SLAIN2: variants seen among roughly 807,000 people sequenced by gnomAD.
SLAIN2 encodes SLAIN family member 2.
Under a neutral mutation model 56.6 loss-of-function variants are expected in SLAIN2, and 31 were observed. The observed-to-expected ratio is 0.55, with a 90% CI of 0.41 to 0.74. The LOEUF is 0.74. Ranked by LOEUF, SLAIN2 falls within the 30% of genes least tolerant of loss-of-function variation. SLAIN2 has a pLI of 0.00. For synonymous variants in SLAIN2, 317 were observed against 284.9 expected (o/e 1.11, Z -1.13); for missense variants, 777 against 754.2 (o/e 1.03, Z -0.35).
At chr4:48,413,312 G>T (rs900116968) in intron 6 of SLAIN2, among the ~76,000 whole-genome samples, 3 of 152,078 alleles carry the variant, frequency 2.0e-5, no homozygotes, top group African/African-American at 7.2e-5. Context: ...GGAATCTGGA[G>T]ACCTGGGTTC....
At chr4:48,378,731 G>T (rs1715892633) in intron 3 of SLAIN2, among the ~76,000 whole-genome samples, 2 of 152,260 alleles carry the variant, frequency 1.3e-5, no homozygotes, top group South Asian at 4.1e-4. Flanking sequence ...TATATAGGTT[G>T]TTACTTGCTA....
intron 2 of SLAIN2, among the ~76,000 whole-genome samples, chr4:48,375,762 C>G (rs1715794691): frequency 6.6e-6 from 1 of 152,106 alleles, no homozygotes; most frequent in African/African-American, 2.4e-5. Context: ...CTGTTTTGTC[C>G]CTGCCCTGTG....
intron 1 of SLAIN2, among the ~76,000 whole-genome samples, chr4:48,363,608 C>T (rs1283063024): frequency 5.7e-5 from 6 of 105,816 alleles, no homozygotes; most frequent in African/African-American, 1.8e-4. Flanking sequence ...GGCGGCTGGC[C>T]GGGCGGGGGG....
At chr4:48,356,368 A>T (rs1301564627) in intron 1 of SLAIN2, among the ~76,000 whole-genome samples, 1 of 152,138 alleles carries the variant, frequency 6.6e-6, no homozygotes, top group Non-Finnish European at 1.5e-5. Flanking sequence ...CTATCTATAT[A>T]TGCAGTTGTA....
At chr4:48,415,484 G>A (rs1352585735) in intron 6 of SLAIN2, among the ~76,000 whole-genome samples, 7 of 58,452 alleles carry the variant, frequency 1.2e-4, no homozygotes, top group East Asian at 4.6e-4. Flanking sequence ...AGTAGGTTGC[G>A]AAAATTTTCT....
intron 3 of SLAIN2, among the ~76,000 whole-genome samples, chr4:48,378,421 C>G (rs1437776251): frequency 6.6e-6 from 1 of 152,152 alleles, no homozygotes; most frequent in East Asian, 1.9e-4. Flanking sequence ...TTTTAATAAA[C>G]TTTGATACTG....
At chr4:48,400,991 TC>T (rs1325101039) in intron 6 of SLAIN2, among the ~76,000 whole-genome samples, 1 of 152,222 alleles carries the variant, frequency 6.6e-6, no homozygotes, top group Non-Finnish European at 1.5e-5. Context: ...ATATGTTGTC[TC>T]TTTGTTCTGA....
Position 48,341,748 on chromosome 4 carries a change from C to T in SLAIN2, c.9C>T (p.Asp3=), listed in dbSNP as rs1208116424. The T allele has an allele frequency of 5.2e-6, 8 of 1,533,012 alleles. No homozygotes were observed. In the East Asian group the frequency reaches 2.1e-4, roughly 40 times the overall value. 95.0% of individuals were successfully genotyped at this position (1,533,012 alleles called of 1,614,324 possible). ME[D]VNSNVNADQE... The stretch of plus-strand genomic sequence containing the variant: ...GCGGCGGCGGGGCCGGGATGGAGGA[C>T]GTTAACTCCAACGTGAACGCGGACC... The change falls in exon 1 of 8, where the codon GAC becomes GAT. Residue 3 remains aspartate, a synonymous_variant. Coordinates refer to ENST00000264313, the MANE Select transcript of SLAIN2 (RefSeq NM_020846.2).
Position 48,379,806 on chromosome 4 carries a change from G to C in SLAIN2, c.820G>C (p.Asp274His), listed in dbSNP as rs1376792033. 1 of 1,585,592 alleles carries C rather than the reference G, an allele frequency of 6.3e-7. No homozygotes were observed. The highest frequency in any genetic ancestry group is 1.9e-5 in the Admixed American group (1 of 53,142). ...DSIGSNYKLNDVTDVQILARM... is the reference protein window; with the variant it reads ...DSIGSNYKLNHVTDVQILARM... ...AATTGGATCCAATTATAAGCTAAAT[G>C]ATGTAACTGATGTACAGATTCTAGC... Residue 274 changes from aspartate (D) to histidine (H), a missense_variant, in exon 4 of 8, where the codon GAT becomes CAT. Physicochemically the swap from Asp to His is moderately conservative, Grantham distance 81 (BLOSUM62 -1). Coordinates refer to ENST00000264313, the MANE Select transcript of SLAIN2 (RefSeq NM_020846.2).
At chr4:48,347,651 A>G (rs1414059905) in intron 1 of SLAIN2, among the ~76,000 whole-genome samples, 2 of 152,184 alleles carry the variant, frequency 1.3e-5, no homozygotes, top group African/African-American at 4.8e-5. Flanking sequence ...ATAATTTTTA[A>G]GTTTACAGTT....
intron 1 of SLAIN2, among the ~76,000 whole-genome samples, chr4:48,342,619 G>C (rs917495918): frequency 1.3e-5 from 2 of 151,972 alleles, no homozygotes; most frequent in Non-Finnish European, 2.9e-5. Context: ...CCCATTTCTG[G>C]CGGGGATGGG....
In SLAIN2 at chr4:48,376,913, C is replaced by CTTTTTTT. The variant is rs11347630; in HGVS notation, c.539-968_539-962dup. On this transcript the variant is annotated intron_variant, in intron 2 of 7. Coordinates refer to ENST00000264313, the MANE Select transcript of SLAIN2 (RefSeq NM_020846.2). Reference sequence around the variant, plus strand: ...AGCGTGAGCCACCGCGCCCGGCCGACTTTTTTTTTTTTTTTTTTTTTAAGG... The same window carrying CTTTTTTT: ...AGCGTGAGCCACCGCGCCCGGCCGACTTTTTTTTTTTTTTTTTTTTTTTTTTTTAAGG... Among the ~76,000 whole-genome samples the CTTTTTTT allele has an allele frequency of 3.3e-3, 374 of 111,700 alleles. 3 individuals are homozygous for CTTTTTTT. The highest frequency in any genetic ancestry group is 0.012 in the African/African-American group (356 of 29,078). 73.3% of individuals were successfully genotyped at this position (111,700 alleles called of 152,430 possible). A position where few individuals can be genotyped will look rare whatever the true frequency, so the allele number is the denominator to read the frequency against.
chr4:48,342,401 G>C (rs1374888582), intron 1 of SLAIN2, among the ~76,000 whole-genome samples: 1 of 152,244 alleles, frequency 6.6e-6, no homozygotes, highest in Non-Finnish European at 1.5e-5. Flanking sequence ...GGGGCAGCTT[G>C]AGAAGGGCTG....
chr4:48,363,945 C>T (rs1325844248), intron 1 of SLAIN2, among the ~76,000 whole-genome samples: 5 of 135,256 alleles, frequency 3.7e-5, no homozygotes, highest in African/African-American at 1.3e-4. Context: ...ACCTCCCTCC[C>T]GGACGGGGCG....
At position 48,423,202 on chromosome 4, in the gene SLAIN2, G is replaced by A. The variant is rs1359573261; in HGVS notation, c.*1125G>A. 6.6e-6 allele frequency: 1 copy of A among 152,032 alleles called. No individual in the cohort carries two copies. The highest frequency in any genetic ancestry group is 1.9e-4 in the East Asian group (1 of 5,182). 9.4% of individuals were successfully genotyped at this position (152,032 alleles called of 1,614,324 possible). On this transcript the variant is annotated 3_prime_UTR_variant, in exon 8 of 8. Transcript: ENST00000264313. ...TTGATCCACTTTAAACTGAGTAACT[G>A]TATAAAACATCTATTGAAAATTCTT...
intron 1 of SLAIN2, among the ~76,000 whole-genome samples, chr4:48,358,709 TA>T (rs1400691382): frequency 6.7e-6 from 1 of 148,728 alleles, no homozygotes; most frequent in Non-Finnish European, 1.5e-5. Context: ...AAGATACTTG[TA>T]TTTTTTTATT....
intron 3 of SLAIN2, among the ~76,000 whole-genome samples, chr4:48,378,577 T>A (rs1715888712): frequency 6.6e-6 from 1 of 152,198 alleles, no homozygotes; most frequent in African/African-American, 2.4e-5. Flanking sequence ...CTTCACGAAT[T>A]CACAATTCAC....
Position 48,341,813 on chromosome 4 carries a change from A to G in SLAIN2, c.74A>G (p.Glu25Gly). 4.6e-6 allele frequency: 7 copies of G among 1,534,214 alleles called. No homozygotes were observed. The highest frequency in any genetic ancestry group is 6.1e-6 in the Non-Finnish European group (7 of 1,140,668). Residue 25 changes from glutamate to glycine, a missense_variant, in exon 1 of 8, where the codon GAG becomes GGG. Physicochemically the swap from Glu to Gly is moderately conservative, Grantham distance 98. Transcript: ENST00000264313. ...CTGCAGGAGCTGGTGAAGAAGCTGG[A>G]GAAGCAGAACGAACAGCTGAGGAGC... is the stretch of plus-strand genomic sequence containing the variant. ...RKLQELVKKL[E>G]KQNEQLRSRS...
At chr4:48,354,331 A>G (rs529246054) in intron 1 of SLAIN2, among the ~76,000 whole-genome samples, 1 of 152,302 alleles carries the variant, frequency 6.6e-6, no homozygotes, top group South Asian at 2.1e-4. Flanking sequence ...AACTGTTGTA[A>G]GTGATATAGA....
Sources: gnomAD v4.1 joint callset for allele counts (sites outside exome capture counted in the v4.1 genomes callset) on GRCh38, gnomAD v4.1.1 for gene constraint, MANE v1.5 for transcripts, NCBI Gene and HGNC (gene_info 2026-07-23, HGNC 2026-07-21) for gene names.